The following LRP1B variants were observed in gnomAD, a reference collection of about 807,000 sequenced individuals.
LRP1B encodes the protein low-density lipoprotein receptor-related protein 1B.
LRP1B carries 217 observed loss-of-function variants against 556.6 expected under a neutral mutation model. The observed-to-expected ratio is 0.39, with a 90% confidence interval of 0.35 to 0.44. LRP1B has a LOEUF of 0.44. LRP1B is among the 20% of genes least tolerant of loss of function. The pLI, the probability that LRP1B is intolerant of heterozygous loss-of-function variation, is 1.00. For synonymous variants in LRP1B, 2,047 were observed against 1,865.8 expected (o/e 1.10, Z -2.50); for missense variants, 5,053 against 5,620.8 (o/e 0.90, Z 3.23).
chr2:141,200,814 C>T (rs915895503), intron 6 of LRP1B, among the ~76,000 whole-genome samples: 4 of 152,066 alleles, frequency 2.6e-5, no homozygotes, highest in African/African-American at 9.7e-5. Flanking sequence ...CCGTTATTTC[C>T]AAAACCCAGA....
At chr2:140,353,096 G>A (rs546594570) in intron 75 of LRP1B, 24 bp from the exon 76 acceptor site, 2 of 1,610,866 alleles carry the variant, frequency 1.2e-6, no homozygotes, top group Admixed American at 1.7e-5. Context: ...GCTCAAAATA[G>A]CATCATCATA....
intron 7 of LRP1B, among the ~76,000 whole-genome samples, chr2:141,157,194 A>G (rs906266153): frequency 1.3e-5 from 2 of 152,162 alleles, no homozygotes; most frequent in African/African-American, 4.8e-5. Context: ...AGTTTTATAA[A>G]ACATAGGAAT....
At chr2:140,766,982 A>G (rs1431832216) in intron 35 of LRP1B, among the ~76,000 whole-genome samples, 1 of 151,368 alleles carries the variant, frequency 6.6e-6, no homozygotes, top group African/African-American at 2.4e-5. Context: ...ATTTGCTTAC[A>G]TTGATCTAAA....
chr2:140,269,038 G>T (rs1229902880), intron 86 of LRP1B, among the ~76,000 whole-genome samples: 1 of 151,892 alleles, frequency 6.6e-6, no homozygotes, highest in Admixed American at 6.6e-5. Context: ...TTATTAGACA[G>T]TTCCACAAGC....
chr2:140,808,685 T>A (rs1166210374), intron 32 of LRP1B, among the ~76,000 whole-genome samples: 3 of 152,192 alleles, frequency 2.0e-5, no homozygotes, highest in Admixed American at 6.5e-5. Context: ...TGGCACATAG[T>A]GAGCACTGAT....
In LRP1B at chr2:141,021,252, A is replaced by C. The variant is rs549083818; in HGVS notation, c.1790-1150T>G. ...TTTACTATTATCATGTTGTTTAATC[A>C]TGGTCTTTCTGGCTCAGGAAAAACA... On this transcript the variant is annotated intron_variant, in intron 11 of 90. Coordinates refer to ENST00000389484, the MANE Select transcript of LRP1B (RefSeq NM_018557.3). 4.6e-5 allele frequency among the ~76,000 whole-genome samples: 7 copies of C among 152,074 alleles called. No individual in the cohort carries two copies. In the East Asian group the frequency reaches 1.4e-3, roughly 30 times the overall value.
At chr2:141,527,463 A>C (rs73963381) in intron 2 of LRP1B, among the ~76,000 whole-genome samples, 4,040 of 152,106 alleles carry the variant, frequency 0.027, 171 homozygotes, top group African/African-American at 0.093. Flanking sequence ...AAATTTAGTA[A>C]CTCTTCATTA....
At chr2:140,757,266 A>G (rs193160677) in intron 35 of LRP1B, among the ~76,000 whole-genome samples, 7 of 152,346 alleles carry the variant, frequency 4.6e-5, no homozygotes, top group Admixed American at 1.3e-4. Flanking sequence ...TTGAACATAA[A>G]CAGTTACCAT....
At chr2:141,992,375 T>G (rs1702373038) in intron 1 of LRP1B, among the ~76,000 whole-genome samples, 1 of 152,132 alleles carries the variant, frequency 6.6e-6, no homozygotes, top group Non-Finnish European at 1.5e-5. Context: ...AAGCATCAAT[T>G]CTGTGCATTA....
chr2:141,279,689 C>G (rs1470596717), intron 3 of LRP1B, among the ~76,000 whole-genome samples: 2 of 152,108 alleles, frequency 1.3e-5, no homozygotes, highest in African/African-American at 4.8e-5. Context: ...AAGCTATCCT[C>G]TCAACGAAGA....
intron 1 of LRP1B, among the ~76,000 whole-genome samples, chr2:141,907,901 A>G (rs1239957886): frequency 6.6e-6 from 1 of 151,772 alleles, no homozygotes; most frequent in Non-Finnish European, 1.5e-5. Context: ...TAGGCACTAG[A>G]TTTTCCTGAC....
intron 3 of LRP1B, among the ~76,000 whole-genome samples, chr2:141,427,119 T>C (rs2104976290): frequency 6.6e-6 from 1 of 152,252 alleles, no homozygotes; most frequent in African/African-American, 2.4e-5. Context: ...GTGCGAACAA[T>C]TAGTGCATAA....
At chr2:140,605,419 A>G (rs540068450) in intron 41 of LRP1B, among the ~76,000 whole-genome samples, 1 of 152,274 alleles carries the variant, frequency 6.6e-6, no homozygotes, top group East Asian at 1.9e-4. Context: ...AGTACACATA[A>G]CTGTGCTCTA....
At chr2:140,288,772 C>T (rs1573739133) in intron 84 of LRP1B, among the ~76,000 whole-genome samples, 1 of 151,604 alleles carries the variant, frequency 6.6e-6, no homozygotes, top group Admixed American at 6.6e-5. Flanking sequence ...TATTTAAATA[C>T]AAATCCATTA....
intron 7 of LRP1B, among the ~76,000 whole-genome samples, chr2:141,108,495 C>G (rs926072957): frequency 1.3e-5 from 2 of 151,564 alleles, no homozygotes; most frequent in Non-Finnish European, 2.9e-5. Flanking sequence ...ATTACAGGTG[C>G]CTGCCACCAT....
At chr2:140,275,491 G>A (rs1221095180) in intron 84 of LRP1B, among the ~76,000 whole-genome samples, 1 of 151,966 alleles carries the variant, frequency 6.6e-6, no homozygotes, top group African/African-American at 2.4e-5. Context: ...TCAGCCACAT[G>A]TGGTGAGCAG....
intron 65 of LRP1B, among the ~76,000 whole-genome samples, chr2:140,443,984 G>A (rs1686541309): frequency 6.6e-6 from 1 of 152,044 alleles, no homozygotes; most frequent in African/African-American, 2.4e-5. Flanking sequence ...AATCACAGAA[G>A]TAAATTACTT....
intron 2 of LRP1B, among the ~76,000 whole-genome samples, chr2:141,510,790 T>G (rs1559112723): frequency 1.3e-5 from 2 of 151,906 alleles, no homozygotes; most frequent in Non-Finnish European, 2.9e-5. Context: ...CTTATTTCTT[T>G]TTAGTATTTT....
intron 20 of LRP1B, among the ~76,000 whole-genome samples, chr2:140,940,987 T>C (rs762480450): frequency 5.3e-5 from 8 of 152,170 alleles, no homozygotes; most frequent in Non-Finnish European, 8.8e-5. Context: ...GGTATCTCAT[T>C]GTGGTTTTGA....
Sources: gnomAD v4.1 joint callset for allele counts (sites outside exome capture counted in the v4.1 genomes callset) on GRCh38, gnomAD v4.1.1 for gene constraint, MANE v1.5 for transcripts, NCBI Gene and HGNC (gene_info 2026-07-23, HGNC 2026-07-21) for gene names.